The following PDE4D variants were observed in gnomAD, a reference collection of about 807,000 sequenced individuals.
PDE4D encodes the protein phosphodiesterase 4D.
PDE4D carries 24 observed loss-of-function variants against 87.4 expected under a neutral mutation model. That is an observed-to-expected ratio of 0.27 (90% CI 0.20 to 0.39). The LOEUF (loss-of-function observed/expected upper bound fraction) is 0.39, where lower values mean the gene tolerates loss of function less well. Among genes scored for constraint, PDE4D ranks in the 10% least tolerant of loss-of-function variants. The pLI, the probability that PDE4D is intolerant of heterozygous loss-of-function variation, is 1.00. For missense variants in PDE4D, 714 were observed against 1,041.0 expected, an observed-to-expected ratio of 0.69 and a Z score of 4.32; for synonymous variants, 384 against 383.2, an observed-to-expected ratio of 1.00 and a Z score of -0.02.
chr5:59,730,933 C>T (rs1426423279), intron 1 of PDE4D, among the ~76,000 whole-genome samples: 1 of 152,006 alleles, frequency 6.6e-6, no homozygotes, highest in Non-Finnish European at 1.5e-5. Context: ...TGTTTGAAAA[C>T]CCTTATGTTA....
chr5:59,542,182 C>T (rs1253422469), intron 1 of PDE4D, among the ~76,000 whole-genome samples: 1 of 152,068 alleles, frequency 6.6e-6, no homozygotes, highest in Non-Finnish European at 1.5e-5. Context: ...TTTTTCTCTG[C>T]CAAGTTCTGA....
intron 1 of PDE4D, among the ~76,000 whole-genome samples, chr5:60,405,306 C>T (rs1473800763): frequency 6.6e-6 from 1 of 152,230 alleles, no homozygotes; most frequent in African/African-American, 2.4e-5. Context: ...AATGAGTTTG[C>T]AACCTGTAGC....
chr5:59,608,029 C>T (rs1024361118), intron 1 of PDE4D, among the ~76,000 whole-genome samples: 2 of 152,118 alleles, frequency 1.3e-5, no homozygotes, highest in African/African-American at 4.8e-5. Flanking sequence ...TCTACTTGTG[C>T]TCAATAGGAC....
rs186771132 is a variant in PDE4D at position 60,021,561 on chromosome 5, T to C, written c.43-32844A>G. On this transcript the variant is annotated intron_variant, in intron 2 of 16. Coordinates refer to the PDE4D transcript ENST00000502484. Reference sequence around the variant, plus strand: ...TTTAAGCATGGGATCCATCTGTCAATGCAGGAAAATGACACATTTGAGGGT... The same window carrying C: ...TTTAAGCATGGGATCCATCTGTCAACGCAGGAAAATGACACATTTGAGGGT... Among the ~76,000 whole-genome samples, 24 of 152,288 alleles carry C rather than the reference T, an allele frequency of 1.6e-4. No individual in the cohort carries two copies. In the East Asian group the frequency reaches 4.3e-3, roughly 27 times the overall value.
At chr5:60,445,348 T>A (rs1745565526) in intron 1 of PDE4D, among the ~76,000 whole-genome samples, 1 of 152,162 alleles carries the variant, frequency 6.6e-6, no homozygotes, top group East Asian at 1.9e-4. Flanking sequence ...AATTTTATAT[T>A]ATGTTTTTTC....
chr5:59,639,596 G>A (rs746418120), intron 1 of PDE4D, among the ~76,000 whole-genome samples: 6 of 152,118 alleles, frequency 3.9e-5, no homozygotes, highest in East Asian at 1.9e-4. Context: ...GGCTCCTAGC[G>A]TGAACAACTG....
intron 1 of PDE4D, among the ~76,000 whole-genome samples, chr5:59,607,563 C>T (rs574062533): frequency 3.9e-5 from 6 of 151,912 alleles, no homozygotes; most frequent in South Asian, 2.1e-4. Context: ...AGGAGGAGAG[C>T]GGAAAAGAGC....
intron 2 of PDE4D, among the ~76,000 whole-genome samples, chr5:60,060,584 T>G (rs1450734264): frequency 6.6e-6 from 1 of 152,148 alleles, no homozygotes; most frequent in Non-Finnish European, 1.5e-5. Context: ...CCTGAGGAGT[T>G]GATTTCAACT....
At chr5:59,535,349 A>G (rs1815006875) in intron 1 of PDE4D, among the ~76,000 whole-genome samples, 1 of 152,200 alleles carries the variant, frequency 6.6e-6, no homozygotes, top group South Asian at 2.1e-4. Context: ...AAAGTTCCCC[A>G]GGTGATTGAA....
At chr5:59,616,945 A>ATATATATC (rs936160133) in intron 1 of PDE4D, among the ~76,000 whole-genome samples, 9 of 137,252 alleles carry the variant, frequency 6.6e-5, no homozygotes, top group African/African-American at 1.3e-4. Context: ...ATATATATAT[A>ATATATATC]TCTCCAAGAT....
At chr5:59,740,776 T>C (rs576841954) in intron 1 of PDE4D, among the ~76,000 whole-genome samples, 64 of 152,250 alleles carry the variant, frequency 4.2e-4, no homozygotes, top group African/African-American at 1.5e-3. Context: ...CACTCTCCTT[T>C]TAAATTAGAG....
chr5:59,272,789 TG>T (rs1406061143), intron 1 of PDE4D, among the ~76,000 whole-genome samples: 1 of 152,134 alleles, frequency 6.6e-6, no homozygotes, highest in Non-Finnish European at 1.5e-5. Context: ...AAGTTTGCCA[TG>T]AAATCCCATT....
chr5:59,981,203 G>C (rs1313340289), intron 3 of PDE4D, among the ~76,000 whole-genome samples: 2 of 152,112 alleles, frequency 1.3e-5, no homozygotes, highest in Non-Finnish European at 2.9e-5. Flanking sequence ...AGTGAGCCGA[G>C]ATCACGCCAT....
chr5:58,993,249 AAAAC>A (rs1204902542), intron 7 of PDE4D, 119 bp downstream of exon 7: 1 of 543,776 alleles, frequency 1.8e-6, no homozygotes. Context: ...ATGACGAATG[AAAAC>A]AAATAGAACT....
At chr5:59,467,750 T>C (rs889854646) in intron 1 of PDE4D, among the ~76,000 whole-genome samples, 4 of 152,338 alleles carry the variant, frequency 2.6e-5, no homozygotes, top group East Asian at 1.9e-4. Context: ...GAATTGTACA[T>C]GGAAAATGAG....
intron 1 of PDE4D, among the ~76,000 whole-genome samples, chr5:59,604,770 T>A (rs550783948): frequency 6.6e-6 from 1 of 152,126 alleles, no homozygotes; most frequent in East Asian, 1.9e-4. Context: ...AATATGCAGA[T>A]TGTGAGGGGG....
intron 1 of PDE4D, among the ~76,000 whole-genome samples, chr5:60,390,159 T>C (rs1220006088): frequency 6.6e-6 from 1 of 152,150 alleles, no homozygotes; most frequent in Non-Finnish European, 1.5e-5. Context: ...CCATGCAACT[T>C]CCTCCCTTCC....
chr5:59,163,116 T>C (rs1781385949), intron 5 of PDE4D, among the ~76,000 whole-genome samples: 1 of 150,198 alleles, frequency 6.7e-6, no homozygotes, highest in African/African-American at 2.5e-5. Flanking sequence ...ACTTTTTTTT[T>C]TTTTTTTCAG....
At chr5:59,275,517 A>G in intron 1 of PDE4D, 5 of 1,470,926 alleles carry the variant, frequency 3.4e-6, no homozygotes, top group Non-Finnish European at 4.5e-6. Flanking sequence ...AGGCTGCTTG[A>G]AGAAATCCAA....
Sources: allele counts gnomAD v4.1 joint callset (sites outside exome capture counted in the v4.1 genomes callset), GRCh38; gene constraint gnomAD v4.1.1; transcripts MANE v1.5; gene names NCBI Gene and HGNC (gene_info 2026-07-23, HGNC 2026-07-21).